The following ST3GAL3 variants were observed in gnomAD, a reference collection of about 807,000 sequenced individuals.
ST3GAL3 encodes the protein ST3 beta-galactoside alpha-2,3-sialyltransferase 3, also known as CMP-N-acetylneuraminate-beta-1,4-galactoside alpha-2,3-sialyltransferase.
In ST3GAL3, 21 loss-of-function variants were observed where a neutral mutation model predicts 50.1. The observed-to-expected ratio is 0.42, with a 90% CI of 0.30 to 0.60. The LOEUF is 0.60. ST3GAL3 is among the 20% of genes least tolerant of loss of function. The pLI is 0.19. For synonymous variants in ST3GAL3, 183 were observed against 190.0 expected (o/e 0.96, Z 0.30); for missense variants, 353 against 489.4 (o/e 0.72, Z 2.63).
chr1:43,712,465 C>T (rs1167727720), intron 1 of ST3GAL3, among the ~76,000 whole-genome samples: 2 of 152,172 alleles, frequency 1.3e-5, no homozygotes. Flanking sequence ...CTCTGCCAGG[C>T]TCTGTGCTAG....
chr1:43,917,286 A>T (rs953354234), intron 9 of ST3GAL3, among the ~76,000 whole-genome samples: 10 of 149,598 alleles, frequency 6.7e-5, no homozygotes, highest in Non-Finnish European at 1.3e-4. Flanking sequence ...AGTGAGTTAA[A>T]TTTTTCCATG....
chr1:43,890,384 T>C (rs2076533793), intron 5 of ST3GAL3, among the ~76,000 whole-genome samples: 1 of 152,140 alleles, frequency 6.6e-6, no homozygotes, highest in Non-Finnish European at 1.5e-5. Flanking sequence ...TCTGCCTTTT[T>C]ATATGTGAAA....
intron 6 of ST3GAL3, among the ~76,000 whole-genome samples, chr1:43,897,283 ATTGTGGTG>A (rs2077530748): frequency 6.6e-6 from 1 of 152,124 alleles, no homozygotes; most frequent in Admixed American, 6.5e-5. Context: ...GATGCTCTCC[ATTGTGGTG>A]ATACCAGTTT....
intron 5 of ST3GAL3, among the ~76,000 whole-genome samples, chr1:43,869,341 T>G (rs760354972): frequency 2.9e-4 from 44 of 152,304 alleles, no homozygotes; most frequent in Non-Finnish European, 5.7e-4. Context: ...GTTCAGAGAT[T>G]TGAAGCTGGT....
chr1:43,798,478 T>G (rs924365931), intron 3 of ST3GAL3, among the ~76,000 whole-genome samples: 2 of 152,172 alleles, frequency 1.3e-5, no homozygotes, highest in Non-Finnish European at 2.9e-5. Flanking sequence ...CACGCTACAT[T>G]GGCATGCCTG....
chr1:43,734,608 C>T (rs1476812355), intron 1 of ST3GAL3, among the ~76,000 whole-genome samples: 1 of 152,124 alleles, frequency 6.6e-6, no homozygotes, highest in Non-Finnish European at 1.5e-5. Context: ...CTGTGCCCAG[C>T]CCACCTAACA....
At chr1:43,796,569 C>G (rs570263202) in intron 3 of ST3GAL3, among the ~76,000 whole-genome samples, 1 of 152,292 alleles carries the variant, frequency 6.6e-6, no homozygotes, top group Non-Finnish European at 1.5e-5. Flanking sequence ...AACCACAACC[C>G]ACAGAAGGCT....
intron 4 of ST3GAL3, chr1:43,831,912 T>A (rs2063600321): frequency 6.6e-6 from 1 of 152,248 alleles, no homozygotes; most frequent in Non-Finnish European, 1.5e-5. Flanking sequence ...TGCCTGGGTC[T>A]AAGGGAGGTA....
intron 11 of ST3GAL3, among the ~76,000 whole-genome samples, chr1:43,929,303 A>AATT (rs201813648): frequency 0.015 from 723 of 48,018 alleles, 7 homozygotes; most frequent in African/African-American, 0.026. Flanking sequence ...AATTAGTTTT[A>AATT]ATTATTATTT....
At chr1:43,762,213 G>T (rs1690739391) in intron 2 of ST3GAL3, among the ~76,000 whole-genome samples, 1 of 149,588 alleles carries the variant, frequency 6.7e-6, no homozygotes, top group Non-Finnish European at 1.5e-5. Flanking sequence ...TGAGGCTCCA[G>T]TGAGCCACTG....
Position 43,817,319 on chromosome 1 carries a change from GCTT to G in ST3GAL3, c.209+2397_209+2399del, listed in dbSNP as rs962563427. 5.4e-3 allele frequency among the ~76,000 whole-genome samples: 824 copies of G among 151,984 alleles called. 4 individuals carry two copies. The highest frequency in any genetic ancestry group is 0.018 in the African/African-American group (741 of 41,416). The stretch of plus-strand genomic sequence containing the variant: ...TTGATTGGGATTCATTTAGCTTGCT[GCTT>G]CTTCTTCTTCCTTCTTCCTTCTTCC... On this transcript the variant is annotated intron_variant, in intron 4 of 11. Coordinates refer to ENST00000347631, the MANE Select transcript of ST3GAL3 (RefSeq NM_006279.5).
chr1:43,710,388 C>A (rs2154055422), intron 1 of ST3GAL3, among the ~76,000 whole-genome samples: 1 of 152,308 alleles, frequency 6.6e-6, no homozygotes, highest in East Asian at 1.9e-4. Context: ...AGCCTGGCAT[C>A]TGCTTCTTTT....
At chr1:43,865,518 G>A (rs2071123337) in intron 5 of ST3GAL3, among the ~76,000 whole-genome samples, 1 of 151,802 alleles carries the variant, frequency 6.6e-6, no homozygotes, top group African/African-American at 2.4e-5. Flanking sequence ...CATATATTTG[G>A]CACCATGCTG....
At chr1:43,738,443 G>A (rs1383066986) in intron 2 of ST3GAL3, 1 of 151,778 alleles carries the variant, frequency 6.6e-6, no homozygotes, top group Non-Finnish European at 1.5e-5. Context: ...AGAGAACAGA[G>A]TAATAGGACC....
intron 5 of ST3GAL3, among the ~76,000 whole-genome samples, chr1:43,849,282 G>T (rs2066845423): frequency 6.8e-6 from 1 of 147,090 alleles, no homozygotes. Flanking sequence ...TTGGTATTTT[G>T]ATCACAAAAT....
intron 6 of ST3GAL3, chr1:43,896,800 C>T (rs1440610371): frequency 6.6e-6 from 1 of 152,188 alleles, no homozygotes; most frequent in East Asian, 1.9e-4. Flanking sequence ...CCTCCTTGGC[C>T]TCCCAAAGTG....
chr1:43,718,014 A>G (rs1463497520), intron 1 of ST3GAL3, among the ~76,000 whole-genome samples: 3 of 151,566 alleles, frequency 2.0e-5, no homozygotes, highest in Non-Finnish European at 2.9e-5. Flanking sequence ...CTGGGGTTAC[A>G]GGCATGTGCC....
At chr1:43,818,815 A>G (rs2061725844) in intron 4 of ST3GAL3, among the ~76,000 whole-genome samples, 1 of 150,258 alleles carries the variant, frequency 6.7e-6, no homozygotes, top group African/African-American at 2.4e-5. Context: ...GATCAAAATT[A>G]AAAACTCAAT....
chr1:43,788,776 G>GT (rs2057673538), intron 2 of ST3GAL3, among the ~76,000 whole-genome samples: 1 of 152,146 alleles, frequency 6.6e-6, no homozygotes, highest in Non-Finnish European at 1.5e-5. Context: ...GGAACTTTCA[G>GT]TTTAATGAAA....
Sources: gnomAD v4.1 joint callset for allele counts (sites outside exome capture counted in the v4.1 genomes callset) on GRCh38, gnomAD v4.1.1 for gene constraint, MANE v1.5 for transcripts, NCBI Gene and HGNC (gene_info 2026-07-23, HGNC 2026-07-21) for gene names.